Variants in UTP6 observed in about 807,000 individuals in gnomAD.
The protein encoded by UTP6 is UTP6 small subunit processome component.
A neutral mutation model predicts 96.5 loss-of-function variants in UTP6; 60 were observed. The observed-to-expected ratio is 0.62, with a 90% CI of 0.51 to 0.77. The LOEUF (loss-of-function observed/expected upper bound fraction) is 0.77, where lower values mean the gene tolerates loss of function less well. Ranked by LOEUF, UTP6 falls within the 30% of genes least tolerant of loss-of-function variation. The pLI, the probability that UTP6 is intolerant of heterozygous loss-of-function variation, is 0.00. For synonymous variants in UTP6, 215 were observed against 240.1 expected (o/e 0.90, Z 0.96); for missense variants, 637 against 706.5 (o/e 0.90, Z 1.12).
Position 31,887,251 on chromosome 17 carries a change from T to C in UTP6, c.606A>G (p.Lys202=). ...AGAACCTTACCACATCCATACTGGCTTTTTCAAATTCTTCCTTCTCCTTCC... is the reference window on the plus strand; with the variant it reads ...AGAACCTTACCACATCCATACTGGCCTTTTCAAATTCTTCCTTCTCCTTCC... ...KLRKEKEEFE[K]ASMDVENPDY... The change falls in exon 8 of 19, where the codon AAA becomes AAG. Residue 202 remains lysine, a synonymous_variant. Transcript: ENST00000261708. 1 of 1,614,034 alleles carries C rather than the reference T, an allele frequency of 6.2e-7. No individual in the cohort carries two copies. Among genetic ancestry groups the C allele is most frequent in the Non-Finnish European group, 8.5e-7 (1 of 1,179,890 alleles).
chr17:31,875,470 T>C, intron 13 of UTP6, 57 bp from the exon 14 acceptor site: 2 of 1,577,796 alleles, frequency 1.3e-6, no homozygotes, highest in Non-Finnish European at 8.6e-7. Flanking sequence ...ACAATCTATG[T>C]AAATGTAAAC....
At position 31,899,618 on chromosome 17, in the gene UTP6, A is replaced by G. The variant is rs144900671; in HGVS notation, c.177+28T>C. On this transcript the variant is annotated intron_variant, in intron 2 of 18. Transcript: ENST00000261708. ...TCACCAAAAAACAAAAAAGAAAAAA[A>G]GAAAGAAATTATTAATTACACACTT... The G allele has an allele frequency of 1.2e-4, 180 of 1,539,864 alleles. 1 individual carries two copies. The East Asian group carries it at 3.4e-3, about 29-fold the overall frequency.
intron 18 of UTP6, among the ~76,000 whole-genome samples, chr17:31,863,867 A>T (rs1555572251): frequency 6.6e-6 from 1 of 151,850 alleles, no homozygotes; most frequent in Non-Finnish European, 1.5e-5. Flanking sequence ...TATTAGGCTA[A>T]TTTTTTTATT....
chr17:31,878,089 A>G (rs192278042), intron 13 of UTP6, among the ~76,000 whole-genome samples, 161 bp downstream of exon 13: 5 of 152,178 alleles, frequency 3.3e-5, no homozygotes, highest in South Asian at 2.1e-4. Context: ...CATTTTTTGC[A>G]TAGGCCAAAT....
intron 16 of UTP6, among the ~76,000 whole-genome samples, chr17:31,871,846 T>C (rs556951286): frequency 6.6e-6 from 1 of 151,698 alleles, no homozygotes; most frequent in Admixed American, 6.6e-5. Context: ...TGAGCCAAGA[T>C]GGCGCCATTA....
Position 31,863,180 on chromosome 17 carries a change from T to C in UTP6, c.*179A>G, listed in dbSNP as rs1909620479. On this transcript the variant is annotated 3_prime_UTR_variant, in exon 19 of 19. Transcript: ENST00000261708. ...ACAGAGCAAGACCCAGTCTCAATCA[T>C]AAAAATTTTTTAATTTTTAAAAAGA... is the stretch of plus-strand genomic sequence containing the variant. The C allele has an allele frequency of 1.5e-6, 1 of 663,912 alleles. No homozygotes were observed. Among genetic ancestry groups the C allele is most frequent in the Admixed American group, 3.0e-5 (1 of 33,076 alleles). The allele number at this position is 663,912 out of a possible 1,614,324, so 41.1% of individuals were successfully genotyped here. A position where few individuals can be genotyped will look rare whatever the true frequency, so the allele number is the denominator to read the frequency against.
At chr17:31,876,279 C>T (rs1440676626) in intron 13 of UTP6, among the ~76,000 whole-genome samples, 2 of 151,422 alleles carry the variant, frequency 1.3e-5, no homozygotes, top group African/African-American at 2.4e-5. Flanking sequence ...TCAGATGATC[C>T]ACCCACCTCG....
intron 11 of UTP6, among the ~76,000 whole-genome samples, chr17:31,879,436 G>A (rs1006885511): frequency 4.0e-5 from 6 of 151,680 alleles, no homozygotes; most frequent in Non-Finnish European, 8.8e-5. Context: ...TTGGGAGGCC[G>A]AGGCATGCAG....
chr17:31,880,902 G>T, intron 10 of UTP6, 148 bp from the exon 11 acceptor site: 3 of 1,085,442 alleles, frequency 2.8e-6, no homozygotes, highest in Non-Finnish European at 3.9e-6. Flanking sequence ...GGCCGGGCCC[G>T]GTGGCTCACG....
chr17:31,872,159 C>T (rs560632817), intron 16 of UTP6, among the ~76,000 whole-genome samples: 1 of 146,590 alleles, frequency 6.8e-6, no homozygotes, highest in South Asian at 2.2e-4. Context: ...TGTACCACTG[C>T]ACTCCAGCCT....
At chr17:31,876,194 G>A (rs975853441) in intron 13 of UTP6, among the ~76,000 whole-genome samples, 18 of 151,720 alleles carry the variant, frequency 1.2e-4, no homozygotes, top group African/African-American at 4.4e-4. Context: ...CCATCGCCAC[G>A]CCTGGTTAAT....
chr17:31,873,978 T>C (rs1023248402), intron 14 of UTP6: 4 of 474,732 alleles, frequency 8.4e-6, no homozygotes, highest in African/African-American at 2.0e-5. Flanking sequence ...AGAATTCTCA[T>C]TGCCCAGCAG....
At chr17:31,872,189 C>T (rs1233035933) in intron 16 of UTP6, among the ~76,000 whole-genome samples, 1 of 148,138 alleles carries the variant, frequency 6.8e-6, no homozygotes, top group East Asian at 2.0e-4. Context: ...AGTGAGACTC[C>T]ATCTCAAAAA....
rs757963509 is a variant in UTP6, at chr17:31,863,487, A to G, written c.1666T>C (p.Leu556=). The G allele has an allele frequency of 6.2e-7, 1 of 1,611,962 alleles. No individual in the cohort carries two copies. ...DLWMDYMKEE[L]NHPLGRPENC... is the part of the protein sequence containing the mutation. ...TCAGGTCTACCAAGGGGGTGGTTCAATTCTTCTTTCATATAATCCATCCAA... is the reference window on the plus strand; with the variant it reads ...TCAGGTCTACCAAGGGGGTGGTTCAGTTCTTCTTTCATATAATCCATCCAA... The change falls in exon 19 of 19, where the codon TTG becomes CTG. Residue 556 remains leucine (L), a synonymous_variant. Transcript: ENST00000261708.
intron 2 of UTP6, among the ~76,000 whole-genome samples, chr17:31,898,262 C>T (rs927816498): frequency 3.6e-4 from 55 of 152,154 alleles, no homozygotes; most frequent in African/African-American, 1.3e-3. Context: ...GTTGGCCGGG[C>T]GTGGTGGCTC....
chr17:31,893,196 C>G (rs1368542508), intron 4 of UTP6, among the ~76,000 whole-genome samples: 1 of 152,012 alleles, frequency 6.6e-6, no homozygotes, highest in Non-Finnish European at 1.5e-5. Context: ...TCGCTTGAAG[C>G]CGGGAGGCCG....
intron 17 of UTP6, 52 bp from the exon 18 acceptor site, chr17:31,865,490 A>G: frequency 6.5e-7 from 1 of 1,548,636 alleles, no homozygotes; most frequent in Non-Finnish European, 8.9e-7. Context: ...AACATAACAA[A>G]TTCATTCCAA....
At chr17:31,878,680 T>C (rs1910641607) in intron 12 of UTP6, 22 bp downstream of exon 12, 2 of 1,608,616 alleles carry the variant, frequency 1.2e-6, no homozygotes, top group East Asian at 4.5e-5. Context: ...AGTCAACCAC[T>C]GTAACCATGT....
Position 31,868,105 on chromosome 17 carries a change from C to T in UTP6, c.1504G>A (p.Glu502Lys). ...KARAVFKSLQ[E>K]SRPFSVDFFR... is the part of the protein sequence containing the mutation. ...AAGTCAACTGAAAATGGTCGGCTCT[C>T]CTGTAAACTAAAAAGGAAGGAGAAA... The change falls in exon 17 of 19, where the codon GAG becomes AAG. Residue 502 changes from glutamate to lysine, a missense_variant. Transcript: ENST00000261708. 1.2e-6 allele frequency: 2 copies of T among 1,612,776 alleles called. No homozygotes were observed. The highest frequency in any genetic ancestry group is 1.7e-6 in the Non-Finnish European group (2 of 1,179,282).
Sources: gnomAD v4.1 joint callset for allele counts (sites outside exome capture counted in the v4.1 genomes callset) on GRCh38, gnomAD v4.1.1 for gene constraint, MANE v1.5 for transcripts, NCBI Gene and HGNC (gene_info 2026-07-23, HGNC 2026-07-21) for gene names.